VOPP1: variants seen among roughly 807,000 people sequenced by gnomAD.
The protein encoded by VOPP1 is WW domain binding protein VOPP1.
In VOPP1, 8 loss-of-function variants were observed where a neutral mutation model predicts 23.5. The ratio of observed to expected loss-of-function variants is 0.34; its 90% CI spans 0.20 to 0.61. The LOEUF (loss-of-function observed/expected upper bound fraction) is 0.61, where lower values mean the gene tolerates loss of function less well. VOPP1 is among the 20% of genes least tolerant of loss of function. VOPP1 has a pLI of 0.78. For missense variants in VOPP1, 174 were observed against 238.1 expected (o/e 0.73, Z 1.77); for synonymous variants, 83 against 97.3 (o/e 0.85, Z 0.86).
intron 4 of VOPP1, among the ~76,000 whole-genome samples, chr7:55,445,748 T>C (rs1791084906): frequency 6.6e-6 from 1 of 152,174 alleles, no homozygotes; most frequent in African/African-American, 2.4e-5. Flanking sequence ...GGTCTACCCT[T>C]TAGAGCTGTG....
intron 1 of VOPP1, chr7:55,537,828 C>T: frequency 1.3e-6 from 1 of 777,042 alleles, no homozygotes; most frequent in Non-Finnish European, 1.8e-6. Context: ...ACTTCCACTA[C>T]TTCAAACCCA....
intron 4 of VOPP1, among the ~76,000 whole-genome samples, chr7:55,462,679 G>A (rs1397920805): frequency 3.7e-5 from 5 of 135,720 alleles, no homozygotes; most frequent in African/African-American, 8.0e-5. Flanking sequence ...TTTTTGAGAC[G>A]GAGTCTCGCT....
At chr7:55,460,034 T>C (rs144208807) in intron 4 of VOPP1, among the ~76,000 whole-genome samples, 1,828 of 150,534 alleles carry the variant, frequency 0.012, 13 homozygotes, top group Admixed American at 0.021. Context: ...ACTGCTTTTC[T>C]GTATCCCATA....
chr7:55,558,375 A>T, intron 1 of VOPP1, among the ~76,000 whole-genome samples: 1 of 152,218 alleles, frequency 6.6e-6, no homozygotes, highest in East Asian at 1.9e-4. Context: ...ATTAAATACA[A>T]AAGAATGAAT....
chr7:55,446,606 A>G (rs1791107991), intron 4 of VOPP1, among the ~76,000 whole-genome samples: 1 of 152,242 alleles, frequency 6.6e-6, no homozygotes, highest in South Asian at 2.1e-4. Context: ...AAACTTGCCC[A>G]GGGTCACTGA....
chr7:55,481,119 C>T (rs1792675178), intron 4 of VOPP1, among the ~76,000 whole-genome samples: 2 of 152,156 alleles, frequency 1.3e-5, no homozygotes, highest in South Asian at 4.1e-4. Context: ...ACTGGAGGAG[C>T]GTGCCGTGTA....
chr7:55,461,265 G>T (rs1237441310), intron 4 of VOPP1, among the ~76,000 whole-genome samples: 1 of 152,068 alleles, frequency 6.6e-6, no homozygotes, highest in Non-Finnish European at 1.5e-5. Context: ...AGGGATAAAA[G>T]ACTACAAATA....
rs531015582 is a variant in VOPP1, at chr7:55,564,271, C to CTCACTT, written c.54+7999_54+8000insAAGTGA. 7.4e-3 allele frequency among the ~76,000 whole-genome samples: 1,112 copies of CTCACTT among 150,840 alleles called. 22 individuals carry two copies. Among genetic ancestry groups the CTCACTT allele is most frequent in the African/African-American group, 0.025 (1,040 of 40,888 alleles). The stretch of plus-strand genomic sequence containing the variant: ...TCTCTCTCTCTCTCTCTCTCTCGCT[C>CTCACTT]GCTTGCTCTCTCTCACTCTCCTCTT... On this transcript the variant is annotated intron_variant, in intron 1 of 4. Transcript: ENST00000285279.
intron 1 of VOPP1, among the ~76,000 whole-genome samples, chr7:55,535,478 C>A (rs1159670924): frequency 6.6e-6 from 1 of 152,206 alleles, no homozygotes; most frequent in Non-Finnish European, 1.5e-5. Flanking sequence ...GCCGCCCCCA[C>A]ATGCCATTGG....
At chr7:55,534,613 C>G (rs1031574160) in intron 1 of VOPP1, among the ~76,000 whole-genome samples, 1 of 152,212 alleles carries the variant, frequency 6.6e-6, no homozygotes, top group Non-Finnish European at 1.5e-5. Flanking sequence ...CCACTCCTCC[C>G]CACCCATTTC....
At chr7:55,489,560 G>C (rs1396462548) in intron 4 of VOPP1, among the ~76,000 whole-genome samples, 1 of 152,164 alleles carries the variant, frequency 6.6e-6, no homozygotes, top group Non-Finnish European at 1.5e-5. Context: ...ACGGGTGCTG[G>C]AGCTGTGCAT....
intron 1 of VOPP1, among the ~76,000 whole-genome samples, chr7:55,570,902 A>G (rs1417020146): frequency 6.6e-6 from 1 of 152,170 alleles, no homozygotes; most frequent in African/African-American, 2.4e-5. Context: ...AGATCGCGCC[A>G]CAGCACTCAA....
intron 1 of VOPP1, among the ~76,000 whole-genome samples, chr7:55,551,014 G>A (rs190667012): frequency 3.2e-4 from 48 of 152,290 alleles, no homozygotes; most frequent in African/African-American, 1.0e-3. Context: ...AAGAGGGAAG[G>A]GCATGGTGAC....
At chr7:55,515,915 T>C (rs1479843071) in intron 2 of VOPP1, 24 of 953,468 alleles carry the variant, frequency 2.5e-5, no homozygotes, top group Non-Finnish European at 3.0e-5. Flanking sequence ...CTGCAGGACA[T>C]GCTCCTCGGT....
intron 4 of VOPP1, among the ~76,000 whole-genome samples, chr7:55,452,775 A>G (rs1791276266): frequency 6.6e-6 from 1 of 152,234 alleles, no homozygotes; most frequent in Non-Finnish European, 1.5e-5. Flanking sequence ...CACTAAGCTA[A>G]CCATGCTGTA....
At chr7:55,445,348 T>C (rs1583790069) in intron 4 of VOPP1, among the ~76,000 whole-genome samples, 1 of 152,030 alleles carries the variant, frequency 6.6e-6, no homozygotes, top group African/African-American at 2.4e-5. Context: ...TGGGACCCCT[T>C]ACTCCTACAC....
chr7:55,518,018 A>T (rs2129039565), intron 2 of VOPP1, among the ~76,000 whole-genome samples: 1 of 152,316 alleles, frequency 6.6e-6, no homozygotes, highest in Non-Finnish European at 1.5e-5. Context: ...TCGCATGTGC[A>T]GGGAAGTGGC....
intron 1 of VOPP1, among the ~76,000 whole-genome samples, chr7:55,561,102 C>A (rs947324956): frequency 6.6e-6 from 1 of 152,128 alleles, no homozygotes; most frequent in Non-Finnish European, 1.5e-5. Flanking sequence ...ACATGCACAG[C>A]TTCCCAGGAC....
At chr7:55,439,380 T>C (rs1790909676) in intron 4 of VOPP1, among the ~76,000 whole-genome samples, 2 of 151,956 alleles carry the variant, frequency 1.3e-5, no homozygotes, top group Admixed American at 6.6e-5. Flanking sequence ...TTGGAGTCAG[T>C]GTGGAGGTCT....
Sources: gnomAD v4.1 joint callset for allele counts (sites outside exome capture counted in the v4.1 genomes callset) on GRCh38, gnomAD v4.1.1 for gene constraint, MANE v1.5 for transcripts, NCBI Gene and HGNC (gene_info 2026-07-23, HGNC 2026-07-21) for gene names.